ITIH5: variants seen among roughly 807,000 people sequenced by gnomAD.
ITIH5 encodes inter-alpha-trypsin inhibitor heavy chain 5.
A neutral mutation model predicts 77.5 loss-of-function variants in ITIH5; 65 were observed. The ratio of observed to expected loss-of-function variants is 0.84; its 90% confidence interval spans 0.69 to 1.03. The LOEUF (loss-of-function observed/expected upper bound fraction) is 1.03. ITIH5 is among the 50% of genes least tolerant of loss of function. The pLI is 0.00. For synonymous variants in ITIH5, 525 were observed against 494.3 expected (o/e 1.06, Z -0.82); for missense variants, 1,208 against 1,213.1 (o/e 1.00, Z 0.06).
At chr10:7,664,170 C>A (rs1427556281) in intron 1 of ITIH5, among the ~76,000 whole-genome samples, 1 of 152,102 alleles carries the variant, frequency 6.6e-6, no homozygotes, top group African/African-American at 2.4e-5. Flanking sequence ...GAGGCCAGGG[C>A]AGGTGGATCA....
intron 11 of ITIH5, chr10:7,572,028 G>A: frequency 9.9e-7 from 1 of 1,012,630 alleles, no homozygotes; most frequent in South Asian, 4.0e-5. Flanking sequence ...GAAAGATAGT[G>A]CTTGCTCCAA....
chr10:7,564,827 TAG>T (rs1832107573), intron 13 of ITIH5, among the ~76,000 whole-genome samples: 1 of 150,320 alleles, frequency 6.7e-6, no homozygotes, highest in South Asian at 2.1e-4. Flanking sequence ...ACACACACCA[TAG>T]ACTGTATACA....
intron 9 of ITIH5, among the ~76,000 whole-genome samples, chr10:7,579,365 A>C (rs1219738585): frequency 6.6e-6 from 1 of 152,196 alleles, no homozygotes; most frequent in African/African-American, 2.4e-5. Flanking sequence ...GTCTCTACTA[A>C]AAATACAAAA....
Position 7,576,937 on chromosome 10 carries a change from G to A in ITIH5, c.1494C>T (p.Ala498=). The change falls in exon 10 of 14, where the codon GCC becomes GCT. Residue 498 remains alanine (A), a synonymous_variant. Transcript: ENST00000397146. ...IDYPPSSVVQ[A]TKTLFPNYFN... ...AGTAGTTGGGGAACAGGGTCTTGGT[G>A]GCCTGCACCACTGAGCTGGGGGGAT... is the stretch of plus-strand genomic sequence containing the variant. 1 of 1,614,170 alleles carries A rather than the reference G, an allele frequency of 6.2e-7. No individual in the cohort carries two copies. The highest frequency in any genetic ancestry group is 8.5e-7 in the Non-Finnish European group (1 of 1,180,028).
intron 1 of ITIH5, among the ~76,000 whole-genome samples, chr10:7,661,016 T>C (rs926593282): frequency 6.6e-6 from 1 of 152,364 alleles, no homozygotes; most frequent in East Asian, 1.9e-4. Flanking sequence ...GGCTGAGCTC[T>C]GCCTCCTAAT....
At chr10:7,624,947 T>A (rs1157303610) in intron 5 of ITIH5, among the ~76,000 whole-genome samples, 1 of 146,818 alleles carries the variant, frequency 6.8e-6, no homozygotes, top group African/African-American at 2.5e-5. Flanking sequence ...TGCCATCACG[T>A]GTCCATTGGA....
At chr10:7,583,187 A>G (rs1832602730) in intron 8 of ITIH5, among the ~76,000 whole-genome samples, 1 of 152,164 alleles carries the variant, frequency 6.6e-6, no homozygotes, top group African/African-American at 2.4e-5. Flanking sequence ...CATCTCCCCC[A>G]CGGCTTAACA....
chr10:7,595,852 C>T (rs1832884545), intron 7 of ITIH5, among the ~76,000 whole-genome samples: 1 of 151,926 alleles, frequency 6.6e-6, no homozygotes, highest in South Asian at 2.1e-4. Context: ...ACTAATAATA[C>T]AAAAAATTAG....
intron 1 of ITIH5, among the ~76,000 whole-genome samples, chr10:7,665,756 A>G (rs1381985702): frequency 1.3e-5 from 2 of 152,350 alleles, no homozygotes; most frequent in South Asian, 2.1e-4. Context: ...GGAACACACA[A>G]CTAAAGCCCA....
Position 7,666,957 on chromosome 10 carries a change from C to T in ITIH5, c.-65G>A. The T allele has an allele frequency of 7.5e-7, 1 of 1,339,780 alleles. No homozygotes were observed. The highest frequency in any genetic ancestry group is 1.0e-6 in the Non-Finnish European group (1 of 979,730). The allele number at this position is 1,339,780 out of a possible 1,614,324, so 83.0% of individuals were successfully genotyped here. A position where few individuals can be genotyped will look rare whatever the true frequency, so the allele number is the denominator to read the frequency against. ...ACACGCTTTGCAGCGCCCAGGGCTC[C>T]AGCCACTGCGGGACGCTCTCGGGGC... On this transcript the variant is annotated 5_prime_UTR_variant, in exon 1 of 14. Coordinates refer to ENST00000397146, the MANE Select transcript of ITIH5 (RefSeq NM_030569.7).
At chr10:7,641,645 GAA>G (rs1564275745) in intron 3 of ITIH5, among the ~76,000 whole-genome samples, 148 of 107,908 alleles carry the variant, frequency 1.4e-3, no homozygotes, top group African/African-American at 5.6e-3. Flanking sequence ...GAAAAGGAAG[GAA>G]GGAAGGGAGG....
chr10:7,578,730 C>T (rs574592820), intron 9 of ITIH5: 1 of 152,082 alleles, frequency 6.6e-6, no homozygotes, highest in Non-Finnish European at 1.5e-5. Flanking sequence ...AAGTAGATAC[C>T]ACATATGCCA....
intron 7 of ITIH5, among the ~76,000 whole-genome samples, chr10:7,606,792 T>G (rs753013698): frequency 1.3e-5 from 2 of 152,346 alleles, no homozygotes; most frequent in Non-Finnish European, 2.9e-5. Context: ...AAGATATACT[T>G]CATCCGGGTA....
chr10:7,564,764 G>A (rs1238992893), intron 13 of ITIH5, among the ~76,000 whole-genome samples: 1 of 151,424 alleles, frequency 6.6e-6, no homozygotes, highest in Non-Finnish European at 1.5e-5. Flanking sequence ...TACATACACA[G>A]ACTGTGTATG....
At chr10:7,628,655 C>CCA (rs1833629940) in intron 5 of ITIH5, among the ~76,000 whole-genome samples, 1 of 98,414 alleles carries the variant, frequency 1.0e-5, no homozygotes, top group Non-Finnish European at 2.6e-5. Flanking sequence ...TCCATGTTGT[C>CCA]TGGGTTGTCA....
chr10:7,666,689 TGGTG>T (rs911550164), intron 1 of ITIH5, 110 bp downstream of exon 1: 2 of 743,406 alleles, frequency 2.7e-6, no homozygotes, highest in Non-Finnish European at 4.3e-6. Flanking sequence ...CCTGGGCCTC[TGGTG>T]GGGGCCTGGG....
intron 1 of ITIH5, among the ~76,000 whole-genome samples, chr10:7,658,935 C>T (rs866171947): frequency 2.0e-5 from 3 of 152,138 alleles, no homozygotes; most frequent in Admixed American, 6.6e-5. Context: ...CCCCACTTCC[C>T]GTGACGGTCT....
chr10:7,614,417 G>A (rs11255239), intron 7 of ITIH5, among the ~76,000 whole-genome samples: 2 of 152,196 alleles, frequency 1.3e-5, no homozygotes, highest in Non-Finnish European at 2.9e-5. Flanking sequence ...GCTCAGGTCA[G>A]CTTTGAATGC....
chr10:7,589,803 G>A (rs12243013), intron 7 of ITIH5, among the ~76,000 whole-genome samples: 1,781 of 152,038 alleles, frequency 0.012, 42 homozygotes, highest in African/African-American at 0.041. Context: ...AGGTGTGCCA[G>A]CACTCTGCAG....
Sources: gnomAD v4.1 joint callset for allele counts (sites outside exome capture counted in the v4.1 genomes callset) on GRCh38, gnomAD v4.1.1 for gene constraint, MANE v1.5 for transcripts, NCBI Gene and HGNC (gene_info 2026-07-23, HGNC 2026-07-21) for gene names.